Variants in CNTNAP2 observed in about 807,000 individuals in gnomAD.
The protein encoded by CNTNAP2 is contactin associated protein 2.
CNTNAP2 carries 98 observed loss-of-function variants against 155.2 expected under a neutral mutation model. The ratio of observed to expected loss-of-function variants is 0.63; its 90% confidence interval spans 0.54 to 0.75. CNTNAP2 has a LOEUF of 0.75. Among genes scored for constraint, CNTNAP2 ranks in the 30% least tolerant of loss-of-function variants. The probability of loss-of-function intolerance (pLI) is 0.00; values close to 1 mark genes in which losing one functional copy is unlikely to be tolerated. For synonymous variants in CNTNAP2, 651 were observed against 631.2 expected (o/e 1.03, Z -0.47); for missense variants, 1,727 against 1,688.1 (o/e 1.02, Z -0.40).
At chr7:146,560,219 G>A (rs1351278231) in intron 1 of CNTNAP2, among the ~76,000 whole-genome samples, 1 of 152,028 alleles carries the variant, frequency 6.6e-6, no homozygotes, top group Admixed American at 6.5e-5. Context: ...TGGAAAGTGT[G>A]TTAAATAAGT....
At chr7:147,344,907 A>G (rs1248097306) in intron 9 of CNTNAP2, among the ~76,000 whole-genome samples, 2 of 152,168 alleles carry the variant, frequency 1.3e-5, no homozygotes, top group Non-Finnish European at 2.9e-5. Context: ...CCAAATCAAC[A>G]TCTCTTTGTT....
At chr7:147,563,454 C>A (rs191611345) in intron 12 of CNTNAP2, among the ~76,000 whole-genome samples, 53 of 152,102 alleles carry the variant, frequency 3.5e-4, no homozygotes, top group Middle Eastern at 3.4e-3. Context: ...CATGAGGAAA[C>A]CCTGTCTCTA....
In CNTNAP2 at chr7:148,022,540, A is replaced by G. The variant is rs1295535149; in HGVS notation, c.2383+44551A>G. 2.0e-5 allele frequency among the ~76,000 whole-genome samples: 3 copies of G among 152,120 alleles called. No homozygotes were observed. In the East Asian group the frequency reaches 5.8e-4, roughly 29 times the overall value. On this transcript the variant is annotated intron_variant, in intron 15 of 23. Coordinates refer to ENST00000361727, the MANE Select transcript of CNTNAP2 (RefSeq NM_014141.6). ...ATCCAGTGTGGCTTCTGCCTCTGGA[A>G]TAAGTAATAGTCTTAGTGACCATGG...
intron 1 of CNTNAP2, among the ~76,000 whole-genome samples, chr7:146,189,842 G>A (rs1798676560): frequency 6.6e-6 from 1 of 152,164 alleles, no homozygotes; most frequent in Non-Finnish European, 1.5e-5. Context: ...TCAATTGAAA[G>A]TAACTTACAG....
At chr7:147,230,232 T>G (rs756322327) in intron 8 of CNTNAP2, among the ~76,000 whole-genome samples, 4 of 152,054 alleles carry the variant, frequency 2.6e-5, no homozygotes, top group Non-Finnish European at 4.4e-5. Context: ...CAGTTACATT[T>G]TATTTTTTAT....
intron 4 of CNTNAP2, among the ~76,000 whole-genome samples, chr7:147,087,698 C>G (rs112949997): frequency 0.024 from 3,658 of 152,114 alleles, 57 homozygotes; most frequent in Non-Finnish European, 0.035. Flanking sequence ...TAATCAAGGC[C>G]GGGCATGGTG....
chr7:147,510,995 A>T (rs1263397690), intron 11 of CNTNAP2, among the ~76,000 whole-genome samples: 2 of 151,054 alleles, frequency 1.3e-5, no homozygotes, highest in African/African-American at 2.4e-5. Flanking sequence ...AGTGATTCTT[A>T]AATTATATTT....
At chr7:148,244,314 C>T (rs1167222319) in intron 20 of CNTNAP2, among the ~76,000 whole-genome samples, 1 of 152,058 alleles carries the variant, frequency 6.6e-6, no homozygotes, top group Non-Finnish European at 1.5e-5. Context: ...CAAGTTCTCT[C>T]TTTAGGTCAC....
At chr7:148,170,059 T>C (rs1805750241) in intron 17 of CNTNAP2, among the ~76,000 whole-genome samples, 1 of 152,224 alleles carries the variant, frequency 6.6e-6, no homozygotes, top group South Asian at 2.1e-4. Flanking sequence ...ACACATAGTA[T>C]GTTCATAGAA....
chr7:147,318,182 C>T (rs189548285), intron 9 of CNTNAP2, among the ~76,000 whole-genome samples: 1 of 152,108 alleles, frequency 6.6e-6, no homozygotes, highest in African/African-American at 2.4e-5. Context: ...TGGCTCACAC[C>T]TATAATCCCA....
At chr7:147,936,812 G>A (rs977642321) in intron 14 of CNTNAP2, among the ~76,000 whole-genome samples, 1 of 152,140 alleles carries the variant, frequency 6.6e-6, no homozygotes, top group Non-Finnish European at 1.5e-5. Flanking sequence ...AAGCACAATG[G>A]TGACATCCTG....
chr7:146,571,494 C>T (rs532870220), intron 1 of CNTNAP2, among the ~76,000 whole-genome samples: 2 of 152,064 alleles, frequency 1.3e-5, no homozygotes, highest in East Asian at 3.9e-4. Flanking sequence ...CCTTGCATAT[C>T]ATTAATAGTT....
At chr7:146,175,705 TTC>T (rs1264867710) in intron 1 of CNTNAP2, among the ~76,000 whole-genome samples, 1 of 152,248 alleles carries the variant, frequency 6.6e-6, no homozygotes, top group Non-Finnish European at 1.5e-5. Flanking sequence ...AATAAATATA[TTC>T]TTAGTCTTTA....
At chr7:147,750,347 A>G (rs1383942345) in intron 13 of CNTNAP2, among the ~76,000 whole-genome samples, 2 of 152,244 alleles carry the variant, frequency 1.3e-5, no homozygotes, top group African/African-American at 4.8e-5. Flanking sequence ...GTATGTCTGC[A>G]TAGAGATCCA....
At chr7:147,767,637 T>C (rs796703634) in intron 13 of CNTNAP2, among the ~76,000 whole-genome samples, 2 of 152,170 alleles carry the variant, frequency 1.3e-5, no homozygotes, top group African/African-American at 4.8e-5. Context: ...TTTCCAAACA[T>C]ACATGTAAGA....
chr7:148,246,739 T>A (rs1195577594), intron 20 of CNTNAP2, among the ~76,000 whole-genome samples: 1 of 152,258 alleles, frequency 6.6e-6, no homozygotes, highest in Non-Finnish European at 1.5e-5. Flanking sequence ...GATCAATGAA[T>A]GTCATTTACT....
intron 1 of CNTNAP2, among the ~76,000 whole-genome samples, chr7:146,528,180 C>T (rs1797718991): frequency 1.3e-5 from 2 of 152,138 alleles, no homozygotes; most frequent in African/African-American, 2.4e-5. Flanking sequence ...TAGAGAAATC[C>T]ACCCTGGAGA....
At chr7:147,267,565 T>G (rs1804641805) in intron 8 of CNTNAP2, among the ~76,000 whole-genome samples, 1 of 152,244 alleles carries the variant, frequency 6.6e-6, no homozygotes, top group East Asian at 1.9e-4. Flanking sequence ...CACATTTTTT[T>G]TTTTCTGAAT....
intron 4 of CNTNAP2, among the ~76,000 whole-genome samples, chr7:147,063,208 A>C (rs1270606978): frequency 6.6e-6 from 1 of 152,214 alleles, no homozygotes; most frequent in African/African-American, 2.4e-5. Flanking sequence ...ATTACATTTA[A>C]GGTAACATGT....
Sources: allele counts gnomAD v4.1 joint callset (sites outside exome capture counted in the v4.1 genomes callset), GRCh38; gene constraint gnomAD v4.1.1; transcripts MANE v1.5; gene names NCBI Gene and HGNC (gene_info 2026-07-23, HGNC 2026-07-21).